EBF1: variants seen among roughly 807,000 people sequenced by gnomAD.
EBF1 encodes the protein EBF transcription factor 1, also known as transcription factor COE1.
Under a neutral mutation model 68.4 loss-of-function variants are expected in EBF1, and 10 were observed. The observed-to-expected ratio is 0.15, with a 90% confidence interval of 0.09 to 0.25. EBF1 has a LOEUF of 0.25. Among genes scored for constraint, EBF1 ranks in the 10% least tolerant of loss-of-function variants. The pLI, the probability that EBF1 is intolerant of heterozygous loss-of-function variation, is 1.00. For missense variants in EBF1, 509 were observed against 794.4 expected, an observed-to-expected ratio of 0.64 and a Z score of 4.32; for synonymous variants, 298 against 299.8, an observed-to-expected ratio of 0.99 and a Z score of 0.06.
chr5:158,966,843 G>C (rs1033427561), intron 6 of EBF1, among the ~76,000 whole-genome samples: 1 of 152,168 alleles, frequency 6.6e-6, no homozygotes, highest in Non-Finnish European at 1.5e-5. Context: ...ATAGCTGAAG[G>C]CCAATTCATC....
chr5:158,888,743 C>T (rs1352865019), intron 6 of EBF1, among the ~76,000 whole-genome samples: 1 of 152,174 alleles, frequency 6.6e-6, no homozygotes, highest in African/African-American at 2.4e-5. Context: ...ATCTCCACTA[C>T]TGCCCTATCA....
chr5:159,000,605 T>G (rs1268587475), intron 6 of EBF1, among the ~76,000 whole-genome samples: 1 of 152,180 alleles, frequency 6.6e-6, no homozygotes, highest in African/African-American at 2.4e-5. Context: ...ATAATAAAAT[T>G]CACCTTTCAA....
At chr5:159,085,415 A>T (rs1780451931) in intron 4 of EBF1, among the ~76,000 whole-genome samples, 1 of 152,212 alleles carries the variant, frequency 6.6e-6, no homozygotes. Flanking sequence ...ACTGACTCTC[A>T]AAATCTGGAG....
intron 6 of EBF1, among the ~76,000 whole-genome samples, chr5:158,973,666 T>C (rs1283969453): frequency 6.6e-6 from 1 of 152,220 alleles, no homozygotes; most frequent in African/African-American, 2.4e-5. Flanking sequence ...CCTATTATCA[T>C]TATACCCCCA....
chr5:158,702,026 C>T (rs1435944218), intron 15 of EBF1, among the ~76,000 whole-genome samples: 1 of 152,168 alleles, frequency 6.6e-6, no homozygotes, highest in Admixed American at 6.5e-5. Context: ...TGCCTACACC[C>T]AGAATTTTGC....
chr5:158,776,951 A>G (rs1775419232), intron 10 of EBF1, among the ~76,000 whole-genome samples: 1 of 152,202 alleles, frequency 6.6e-6, no homozygotes, highest in Non-Finnish European at 1.5e-5. Context: ...TGGGAGGACA[A>G]AAATGCAGCA....
intron 6 of EBF1, among the ~76,000 whole-genome samples, chr5:158,978,795 CAT>C (rs1491046169): frequency 7.4e-4 from 69 of 93,750 alleles, no homozygotes; most frequent in African/African-American, 2.3e-3. Flanking sequence ...CACACACACA[CAT>C]ACACACACAC....
At chr5:158,746,838 C>A (rs568454917) in intron 10 of EBF1, among the ~76,000 whole-genome samples, 2 of 152,164 alleles carry the variant, frequency 1.3e-5, no homozygotes, top group East Asian at 1.9e-4. Flanking sequence ...GAGCAGAGAT[C>A]GGCTTGATAA....
At chr5:158,707,061 T>C (rs1002712950) in intron 15 of EBF1, among the ~76,000 whole-genome samples, 2 of 152,244 alleles carry the variant, frequency 1.3e-5, no homozygotes, top group African/African-American at 4.8e-5. Flanking sequence ...TCAGTCTGAA[T>C]TTGAAGCCAG....
chr5:158,814,112 A>C (rs1313408279), intron 8 of EBF1, among the ~76,000 whole-genome samples: 1 of 152,206 alleles, frequency 6.6e-6, no homozygotes, highest in Non-Finnish European at 1.5e-5. Flanking sequence ...TTGGGAGACC[A>C]AGGGGATGTA....
At chr5:158,780,215 A>G (rs1456170454) in intron 9 of EBF1, among the ~76,000 whole-genome samples, 2 of 152,230 alleles carry the variant, frequency 1.3e-5, no homozygotes, top group African/African-American at 4.8e-5. Context: ...TTTGACAGAT[A>G]AGGACACAAA....
intron 6 of EBF1, among the ~76,000 whole-genome samples, chr5:158,863,093 A>G (rs769640701): frequency 2.0e-5 from 3 of 152,224 alleles, no homozygotes; most frequent in Admixed American, 2.0e-4. Flanking sequence ...CTTGTCCCCT[A>G]TCCTTTATGT....
At chr5:158,955,327 A>C (rs1227720555) in intron 6 of EBF1, among the ~76,000 whole-genome samples, 4 of 152,134 alleles carry the variant, frequency 2.6e-5, no homozygotes, top group Non-Finnish European at 5.9e-5. Flanking sequence ...CCATCTAAAA[A>C]AAAAAGAGAG....
At chr5:158,989,050 G>T (rs1759726740) in intron 6 of EBF1, among the ~76,000 whole-genome samples, 1 of 152,082 alleles carries the variant, frequency 6.6e-6, no homozygotes, top group Non-Finnish European at 1.5e-5. Flanking sequence ...GTCCTTCAGT[G>T]TCATGCATGT....
chr5:158,747,153 A>ATT, intron 10 of EBF1, among the ~76,000 whole-genome samples: 1 of 152,186 alleles, frequency 6.6e-6, no homozygotes. Flanking sequence ...TGACCAGTGT[A>ATT]AGATCAACAG....
intron 6 of EBF1, among the ~76,000 whole-genome samples, chr5:158,860,292 T>A (rs1003735083): frequency 1.3e-5 from 2 of 152,212 alleles, no homozygotes; most frequent in African/African-American, 4.8e-5. Flanking sequence ...CTGCCTGAGA[T>A]CACAAATCTA....
At chr5:158,744,268 T>C (rs543511010) in intron 10 of EBF1, among the ~76,000 whole-genome samples, 1 of 151,766 alleles carries the variant, frequency 6.6e-6, no homozygotes, top group African/African-American at 2.4e-5. Context: ...GGGCAGACAC[T>C]ACGGGGAACA....
At chr5:158,818,481 A>G (rs895306191) in intron 8 of EBF1, among the ~76,000 whole-genome samples, 4 of 152,172 alleles carry the variant, frequency 2.6e-5, no homozygotes, top group Non-Finnish European at 4.4e-5. Context: ...GTAATGTGAC[A>G]CTGCAACCAA....
intron 6 of EBF1, among the ~76,000 whole-genome samples, chr5:158,993,274 C>A (rs376825019): frequency 6.6e-6 from 1 of 152,096 alleles, no homozygotes; most frequent in South Asian, 2.1e-4. Context: ...TCTCAAATTC[C>A]TGAGCTCAGG....
Sources: gnomAD v4.1 joint callset for allele counts (sites outside exome capture counted in the v4.1 genomes callset) on GRCh38, gnomAD v4.1.1 for gene constraint, MANE v1.5 for transcripts, NCBI Gene and HGNC (gene_info 2026-07-23, HGNC 2026-07-21) for gene names.